The following GALNT2 variants were observed in gnomAD, a reference collection of about 807,000 sequenced individuals.
The protein encoded by GALNT2 is polypeptide N-acetylgalactosaminyltransferase 2.
A neutral mutation model predicts 81.4 loss-of-function variants in GALNT2; 31 were observed. The ratio of observed to expected loss-of-function variants is 0.38; its 90% CI spans 0.29 to 0.51. GALNT2 has a LOEUF of 0.51. GALNT2 is among the 20% of genes least tolerant of loss of function. The pLI, the probability that GALNT2 is intolerant of heterozygous loss-of-function variation, is 0.87. For synonymous variants in GALNT2, 303 were observed against 287.4 expected (o/e 1.05, Z -0.55); for missense variants, 629 against 765.7 (o/e 0.82, Z 2.11).
At position 230,253,463 on chromosome 1, in the gene GALNT2, C is replaced by CCCA. The variant is rs1369599166; in HGVS notation, c.1010-1752_1010-1750dup. On this transcript the variant is annotated intron_variant, in intron 10 of 15. Transcript: ENST00000366672. ...AACTCACTGTATGGTCTGTGATGGA[C>CCCA]CCACCCTATTTCTGATCAATCTGCA... Among the ~76,000 whole-genome samples, 3 of 152,246 alleles carry CCCA rather than the reference C, an allele frequency of 2.0e-5. No homozygotes were observed. The East Asian group carries it at 5.8e-4, about 29-fold the overall frequency.
At chr1:230,074,807 A>G (rs1436679061) in intron 1 of GALNT2, among the ~76,000 whole-genome samples, 1 of 152,218 alleles carries the variant, frequency 6.6e-6, no homozygotes, top group Non-Finnish European at 1.5e-5. Flanking sequence ...TAGTGTACTG[A>G]TGAAACTGAA....
At chr1:230,188,978 G>GGGT (rs1663431291) in intron 2 of GALNT2, among the ~76,000 whole-genome samples, 2 of 152,038 alleles carry the variant, frequency 1.3e-5, no homozygotes, top group South Asian at 4.2e-4. Flanking sequence ...AAGGAGCGGG[G>GGGT]GCCGGAAGAG....
intron 1 of GALNT2, among the ~76,000 whole-genome samples, chr1:230,142,883 G>C (rs2102826366): frequency 6.6e-6 from 1 of 152,308 alleles, no homozygotes; most frequent in South Asian, 2.1e-4. Context: ...TGCTCTCTAT[G>C]TGAGAATTGG....
At chr1:230,134,289 A>G (rs1661466611) in intron 1 of GALNT2, among the ~76,000 whole-genome samples, 1 of 151,976 alleles carries the variant, frequency 6.6e-6, no homozygotes, top group African/African-American at 2.4e-5. Flanking sequence ...TTGTATTTTT[A>G]GTAGAGACGG....
chr1:230,137,494 C>G (rs542285916), intron 1 of GALNT2, among the ~76,000 whole-genome samples: 88 of 152,352 alleles, frequency 5.8e-4, no homozygotes, highest in African/African-American at 2.0e-3. Context: ...GTGTTCTCAG[C>G]TGGGCAGCCA....
chr1:230,265,378 G>A lies in GALNT2; in HGVS notation c.1440+11G>A, dbSNP rs1666004945. On this transcript the variant is annotated intron_variant, in intron 14 of 15. Coordinates refer to ENST00000366672, the MANE Select transcript of GALNT2 (RefSeq NM_004481.5). ...GCTGGGGGAAACCAGGTATGTGCATGGGGAAGCCAGGTCACCTGCAGGCCC... is the reference window on the plus strand; with the variant it reads ...GCTGGGGGAAACCAGGTATGTGCATAGGGAAGCCAGGTCACCTGCAGGCCC... The A allele has an allele frequency of 6.2e-7, 1 of 1,614,058 alleles. No homozygotes were observed. The highest frequency in any genetic ancestry group is 1.3e-5 in the African/African-American group (1 of 74,928).
intron 14 of GALNT2, among the ~76,000 whole-genome samples, chr1:230,274,014 C>T (rs1268563040): frequency 5.3e-5 from 8 of 152,342 alleles, no homozygotes; most frequent in Non-Finnish European, 1.0e-4. Context: ...GCAGGCCATA[C>T]CTGCATGAGG....
In GALNT2 at chr1:230,109,268, T is replaced by A. The variant is rs56230791; in HGVS notation, c.126+41862T>A. ...TTGCAGGTGAGCGGGTGCAGGGAGGTGCGGGGTGGGGTGGCGGCTGCAGCA... is the reference window on the plus strand; with the variant it reads ...TTGCAGGTGAGCGGGTGCAGGGAGGAGCGGGGTGGGGTGGCGGCTGCAGCA... On this transcript the variant is annotated intron_variant, in intron 1 of 15. Transcript: ENST00000366672. 4.2e-4 allele frequency among the ~76,000 whole-genome samples: 63 copies of A among 151,800 alleles called. No homozygotes were observed. The East Asian group carries it at 0.012, about 28-fold the overall frequency.
intron 1 of GALNT2, among the ~76,000 whole-genome samples, chr1:230,095,969 G>T (rs1398910323): frequency 1.3e-5 from 2 of 152,234 alleles, no homozygotes; most frequent in Non-Finnish European, 2.9e-5. Context: ...ACTTGTTTAA[G>T]CCATGACGTT....
intron 1 of GALNT2, among the ~76,000 whole-genome samples, chr1:230,133,021 GT>G (rs1661417133): frequency 6.6e-6 from 1 of 152,154 alleles, no homozygotes; most frequent in African/African-American, 2.4e-5. Flanking sequence ...ATTCTGTTTG[GT>G]TTTTTAATAT....
rs915731591 is a variant in GALNT2 at position 230,279,890 on chromosome 1, C to T, written c.*432C>T. On this transcript the variant is annotated 3_prime_UTR_variant, in exon 16 of 16. Coordinates refer to ENST00000366672, the MANE Select transcript of GALNT2 (RefSeq NM_004481.5). This position sits in a 1 kb window ranked among gnomAD's most constrained non-coding sequence, Gnocchi z 4.6. Reference sequence around the variant, plus strand: ...TTGAAATCTCCATTTTCAATCCCTTCGAAATCACGTATGGTTTCCACAAAG... The same window carrying T: ...TTGAAATCTCCATTTTCAATCCCTTTGAAATCACGTATGGTTTCCACAAAG... The T allele has an allele frequency of 1.1e-5, 5 of 458,806 alleles. No homozygotes were observed. The highest frequency in any genetic ancestry group is 4.7e-5 in the Admixed American group (2 of 42,632). The allele number at this position is 458,806 out of a possible 1,614,324, so 28.4% of individuals were successfully genotyped here. A position where few individuals can be genotyped will look rare whatever the true frequency, so the allele number is the denominator to read the frequency against.
At chr1:230,074,687 G>A (rs537134927) in intron 1 of GALNT2, among the ~76,000 whole-genome samples, 18 of 152,170 alleles carry the variant, frequency 1.2e-4, no homozygotes, top group Non-Finnish European at 2.1e-4. Flanking sequence ...TGTGGGGAGG[G>A]CTAATATATT....
intron 1 of GALNT2, among the ~76,000 whole-genome samples, chr1:230,087,349 G>A (rs546100440): frequency 2.7e-4 from 41 of 152,324 alleles, no homozygotes; most frequent in Admixed American, 5.2e-4. Context: ...GATTGCACTC[G>A]AATTACTGCA....
chr1:230,237,161 T>C (rs1015962018), intron 6 of GALNT2, among the ~76,000 whole-genome samples: 3 of 152,268 alleles, frequency 2.0e-5, no homozygotes, highest in East Asian at 1.9e-4. Context: ...ACTGCAATTA[T>C]ATGCTCATGC....
intron 1 of GALNT2, among the ~76,000 whole-genome samples, chr1:230,071,988 G>C (rs537095017): frequency 1.4e-4 from 22 of 152,306 alleles, no homozygotes; most frequent in Admixed American, 9.1e-4. Flanking sequence ...AGTGGGGTCA[G>C]CTTGCCCAGG....
At chr1:230,161,205 G>A (rs1323797788) in intron 1 of GALNT2, among the ~76,000 whole-genome samples, 2 of 152,204 alleles carry the variant, frequency 1.3e-5, no homozygotes, top group African/African-American at 2.4e-5. Flanking sequence ...TGATAGCAGC[G>A]TTGGCTGGCT....
chr1:230,219,649 G>A (rs77470056), intron 3 of GALNT2, among the ~76,000 whole-genome samples: 6,735 of 152,170 alleles, frequency 0.044, 195 homozygotes, highest in Non-Finnish European at 0.065. Flanking sequence ...TGCAGTAGCC[G>A]GTCCTGCCTC....
chr1:230,169,892 A>G (rs1170989738), intron 1 of GALNT2, among the ~76,000 whole-genome samples: 1 of 152,248 alleles, frequency 6.6e-6, no homozygotes, highest in African/African-American at 2.4e-5. Flanking sequence ...ATTGAGTTTC[A>G]TAAACTAAGT....
At chr1:230,092,341 C>T (rs1244767713) in intron 1 of GALNT2, among the ~76,000 whole-genome samples, 1 of 150,902 alleles carries the variant, frequency 6.6e-6, no homozygotes, top group African/African-American at 2.4e-5. Context: ...TTTGTTGGCT[C>T]TTTTGGCTTT....
Sources: allele counts gnomAD v4.1 joint callset (sites outside exome capture counted in the v4.1 genomes callset), GRCh38; gene constraint gnomAD v4.1.1; non-coding constraint Gnocchi (gnomAD v3.1); transcripts MANE v1.5; gene names NCBI Gene and HGNC (gene_info 2026-07-23, HGNC 2026-07-21).